The following TRAPPC9 variants were observed in gnomAD, a reference collection of about 807,000 sequenced individuals.
TRAPPC9 encodes IKK2 binding protein.
In TRAPPC9, 83 loss-of-function variants were observed where a neutral mutation model predicts 124.0. The ratio of observed to expected loss-of-function variants is 0.67; its 90% CI spans 0.56 to 0.80. The LOEUF (loss-of-function observed/expected upper bound fraction) is 0.80. TRAPPC9 is among the 30% of genes least tolerant of loss of function. The pLI is 0.00. For synonymous variants in TRAPPC9, 638 were observed against 617.5 expected, an observed-to-expected ratio of 1.03 and a Z score of -0.49; for missense variants, 1,302 against 1,508.3, an observed-to-expected ratio of 0.86 and a Z score of 2.27.
At chr8:140,072,666 G>C (rs1170264911) in intron 17 of TRAPPC9, among the ~76,000 whole-genome samples, 1 of 151,840 alleles carries the variant, frequency 6.6e-6, no homozygotes, top group Non-Finnish European at 1.5e-5. Context: ...TACACTAGGA[G>C]AACGTATTAT....
At position 140,300,168 on chromosome 8, in the gene TRAPPC9, C is replaced by A. The variant is rs140299718; in HGVS notation, c.1768+301G>T. Among the ~76,000 whole-genome samples the A allele has an allele frequency of 5.3e-4, 81 of 152,344 alleles. No individual in the cohort carries two copies. The East Asian group carries it at 0.013, about 25-fold the overall frequency. ...AAATAAACTTCCATGACAGACTGCA[C>A]ACACGCACACACACGCACACATCTG... On this transcript the variant is annotated intron_variant, in intron 11 of 22. Transcript: ENST00000438773.
chr8:140,268,696 GCC>G (rs1418824540), intron 15 of TRAPPC9, among the ~76,000 whole-genome samples: 3 of 152,154 alleles, frequency 2.0e-5, no homozygotes, highest in African/African-American at 7.2e-5. Context: ...AGCCAGGGTG[GCC>G]CTATGTGCCC....
Position 139,729,297 on chromosome 8 carries a change from T to A in TRAPPC9, c.*1764A>T, listed in dbSNP as rs1817691331. Among the ~76,000 whole-genome samples, 1 of 152,274 alleles carries A rather than the reference T, an allele frequency of 6.6e-6. No homozygotes were observed. The highest frequency in any genetic ancestry group is 6.5e-5 in the Admixed American group (1 of 15,288). ...GGGCTGAGCCCATCATCCTGCAATG[T>A]GTTGTTTCATTCAATGGCGTATTTT... On this transcript the variant is annotated 3_prime_UTR_variant, in exon 23 of 23. Transcript: ENST00000438773.
chr8:140,434,998 A>G, intron 4 of TRAPPC9, 114 bp downstream of exon 4: 1 of 1,515,272 alleles, frequency 6.6e-7, no homozygotes, highest in Non-Finnish European at 8.9e-7. Context: ...CTGACTCAAC[A>G]GATTTTACAG....
chr8:140,400,653 A>G (rs2069232837), intron 6 of TRAPPC9, among the ~76,000 whole-genome samples: 1 of 152,184 alleles, frequency 6.6e-6, no homozygotes, highest in South Asian at 2.1e-4. Context: ...TCAACTATGC[A>G]ATAAACTGGG....
chr8:139,950,343 A>G (rs889448824), intron 19 of TRAPPC9, among the ~76,000 whole-genome samples: 2 of 152,240 alleles, frequency 1.3e-5, no homozygotes, highest in Admixed American at 1.3e-4. Flanking sequence ...ATGGAAGGTG[A>G]ACCTGTCAGC....
chr8:139,804,236 CCCA>C (rs1208609500), intron 21 of TRAPPC9, among the ~76,000 whole-genome samples: 8 of 138,382 alleles, frequency 5.8e-5, no homozygotes, highest in East Asian at 2.3e-4. Context: ...ATCACCACCA[CCCA>C]CCACCACCAC....
intron 21 of TRAPPC9, among the ~76,000 whole-genome samples, chr8:139,867,741 G>A (rs1411630116): frequency 6.6e-6 from 1 of 152,192 alleles, no homozygotes; most frequent in Admixed American, 6.5e-5. Flanking sequence ...CTACAGAATC[G>A]CTGATTGGTA....
intron 17 of TRAPPC9, among the ~76,000 whole-genome samples, chr8:140,148,630 A>T (rs2061496114): frequency 2.0e-5 from 3 of 151,890 alleles, no homozygotes; most frequent in Non-Finnish European, 4.4e-5. Flanking sequence ...TCATGTCCCC[A>T]CTCACCCTGA....
chr8:139,975,390 G>T (rs1235162883), intron 19 of TRAPPC9, among the ~76,000 whole-genome samples: 2 of 152,200 alleles, frequency 1.3e-5, no homozygotes, highest in Non-Finnish European at 2.9e-5. Context: ...GTGGGTCTAA[G>T]AATTTGCATT....
intron 17 of TRAPPC9, among the ~76,000 whole-genome samples, chr8:140,070,908 G>T (rs1446372718): frequency 6.6e-6 from 1 of 152,182 alleles, no homozygotes; most frequent in South Asian, 2.1e-4. Flanking sequence ...GGCCCTCCAC[G>T]TCTCTTACCT....
intron 19 of TRAPPC9, among the ~76,000 whole-genome samples, chr8:139,979,934 G>A (rs147833529): frequency 2.9e-3 from 439 of 152,136 alleles, no homozygotes; most frequent in Non-Finnish European, 4.6e-3. Flanking sequence ...CCACATTCCC[G>A]CTCTGCCCAT....
At chr8:139,787,469 G>C (rs1231468609) in intron 21 of TRAPPC9, among the ~76,000 whole-genome samples, 1 of 152,114 alleles carries the variant, frequency 6.6e-6, no homozygotes, top group Non-Finnish European at 1.5e-5. Flanking sequence ...CAGGGGCAGA[G>C]CCAAGGGAAG....
At chr8:140,288,173 C>G (rs1015664911) in intron 12 of TRAPPC9, among the ~76,000 whole-genome samples, 3 of 152,176 alleles carry the variant, frequency 2.0e-5, no homozygotes, top group Non-Finnish European at 4.4e-5. Flanking sequence ...AAGACCCCAT[C>G]TCTACAAAAA....
At chr8:140,179,992 GA>G (rs1294723047) in intron 17 of TRAPPC9, among the ~76,000 whole-genome samples, 3 of 49,118 alleles carry the variant, frequency 6.1e-5, no homozygotes, top group Non-Finnish European at 8.5e-5. Flanking sequence ...GTTATATCTT[GA>G]TTTTTTTTTT....
chr8:140,229,565 C>T (rs1159842763), intron 16 of TRAPPC9, among the ~76,000 whole-genome samples: 3 of 151,430 alleles, frequency 2.0e-5, no homozygotes, highest in Admixed American at 2.0e-4. Context: ...AGCCACCGCA[C>T]CCGGCCTCTT....
intron 1 of TRAPPC9, among the ~76,000 whole-genome samples, chr8:140,454,309 A>G (rs926518761): frequency 5.9e-5 from 9 of 151,266 alleles, no homozygotes; most frequent in African/African-American, 2.2e-4. Context: ...ATAAATAAAA[A>G]TGATTTAAAA....
In TRAPPC9 at chr8:140,435,147, G is replaced by A. The variant is rs1390301130; in HGVS notation, c.824C>T (p.Thr275Ile). Reference protein sequence around the residue: ...KSGARRFQGSTLPAEAANRHR... With the variant: ...KSGARRFQGSILPAEAANRHR... ...TCTATTGGCTGCTTCAGCAGGAAGG[G>A]TGCTGCCCTGGAACCTCCGAGCTCC... Residue 275 changes from threonine (T) to isoleucine (I), a missense_variant, in exon 4 of 23, where the codon ACC (threonine) becomes ATC (isoleucine). Thr to Ile is a moderately conservative substitution (Grantham distance 89). Transcript: ENST00000438773. 6.2e-7 allele frequency: 1 copy of A among 1,614,172 alleles called. No individual in the cohort carries two copies. The highest frequency in any genetic ancestry group is 1.1e-5 in the South Asian group (1 of 91,078).
At chr8:140,272,073 A>G (rs1242486226) in intron 15 of TRAPPC9, among the ~76,000 whole-genome samples, 35 of 86,076 alleles carry the variant, frequency 4.1e-4, no homozygotes, top group African/African-American at 1.2e-3. Flanking sequence ...GATGGTGATG[A>G]TGGTGGTGGT....
Sources: gnomAD v4.1 joint callset for allele counts (sites outside exome capture counted in the v4.1 genomes callset) on GRCh38, gnomAD v4.1.1 for gene constraint, MANE v1.5 for transcripts, NCBI Gene and HGNC (gene_info 2026-07-23, HGNC 2026-07-21) for gene names.